The following TMTC2 variants were observed in gnomAD, a reference collection of about 807,000 sequenced individuals.
TMTC2 encodes protein O-mannosyl-transferase TMTC2.
In TMTC2, 43 loss-of-function variants were observed where a neutral mutation model predicts 82.4. The observed-to-expected ratio is 0.52, with a 90% CI of 0.41 to 0.67. TMTC2 has a LOEUF of 0.67. TMTC2 is among the 30% of genes least tolerant of loss of function. TMTC2 has a pLI of 0.00. For missense variants in TMTC2, 919 were observed against 1,012.4 expected (o/e 0.91, Z 1.25); for synonymous variants, 408 against 381.9 (o/e 1.07, Z -0.80).
chr12:82,956,255 T>C (rs964604565), intron 4 of TMTC2, among the ~76,000 whole-genome samples: 3 of 152,070 alleles, frequency 2.0e-5, no homozygotes, highest in African/African-American at 7.2e-5. Context: ...GTAAGTGGTC[T>C]AAATGCTTCA....
intron 8 of TMTC2, among the ~76,000 whole-genome samples, chr12:82,997,124 TC>T (rs1442440410): frequency 7.5e-5 from 11 of 146,166 alleles, no homozygotes; most frequent in African/African-American, 2.6e-4. Flanking sequence ...AGAGGACTCT[TC>T]CATCCTGACT....
intron 1 of TMTC2, among the ~76,000 whole-genome samples, chr12:82,751,525 C>CT (rs1177180677): frequency 9.2e-5 from 14 of 151,776 alleles, no homozygotes; most frequent in Non-Finnish European, 1.9e-4. Flanking sequence ...TATACTAAAA[C>CT]TTAAAGTATA....
At chr12:82,940,912 T>C (rs555365348) in intron 4 of TMTC2, among the ~76,000 whole-genome samples, 8 of 152,122 alleles carry the variant, frequency 5.3e-5, no homozygotes, top group African/African-American at 1.9e-4. Context: ...ATGTGCCTCT[T>C]TATATAAAGG....
intron 1 of TMTC2, among the ~76,000 whole-genome samples, chr12:82,853,977 C>T (rs1871121291): frequency 6.6e-6 from 1 of 151,546 alleles, no homozygotes; most frequent in Admixed American, 6.6e-5. Flanking sequence ...TAATTATAAC[C>T]CATCAAGTCT....
chr12:82,847,060 T>C (rs1592570530), intron 1 of TMTC2, among the ~76,000 whole-genome samples: 1 of 152,154 alleles, frequency 6.6e-6, no homozygotes. Flanking sequence ...AATACAGTGC[T>C]CATCCCCAAA....
intron 8 of TMTC2, among the ~76,000 whole-genome samples, chr12:83,004,990 A>T (rs1880109155): frequency 6.8e-6 from 1 of 146,530 alleles, no homozygotes; most frequent in Non-Finnish European, 1.5e-5. Context: ...TGTCTCTACT[A>T]AAAATACAAA....
chr12:82,812,718 TTCTC>T (rs1868468164), intron 1 of TMTC2, among the ~76,000 whole-genome samples: 1 of 152,058 alleles, frequency 6.6e-6, no homozygotes, highest in Non-Finnish European at 1.5e-5. Context: ...CTCGGTTTGT[TTCTC>T]TCCCTCTTCC....
intron 8 of TMTC2, among the ~76,000 whole-genome samples, chr12:83,020,837 C>T (rs1880885301): frequency 6.6e-6 from 1 of 152,108 alleles, no homozygotes; most frequent in African/African-American, 2.4e-5. Flanking sequence ...GGTAACATTA[C>T]AGGAAGTCTG....
intron 1 of TMTC2, among the ~76,000 whole-genome samples, chr12:82,753,227 C>T (rs1876113186): frequency 6.6e-6 from 1 of 151,838 alleles, no homozygotes; most frequent in African/African-American, 2.4e-5. Context: ...CGTAGGTGAG[C>T]TGTGTAAAAT....
rs758819257 is a variant in TMTC2, at chr12:82,841,326, A to G, written c.84-15684A>G. Among the ~76,000 whole-genome samples, 5 of 152,214 alleles carry G rather than the reference A, an allele frequency of 3.3e-5. No homozygotes were observed. In the East Asian group the frequency reaches 5.8e-4, roughly 18 times the overall value. On this transcript the variant is annotated intron_variant, in intron 1 of 11. Transcript: ENST00000321196. ...TATAAAGATTAGAAAGTACTACAGT[A>G]TATATTAGGATGTCAGTAAATTTTA...
intron 11 of TMTC2, among the ~76,000 whole-genome samples, chr12:83,130,690 C>T (rs1408164143): frequency 6.6e-6 from 1 of 152,112 alleles, no homozygotes; most frequent in East Asian, 1.9e-4. Flanking sequence ...ATGTGCTAGA[C>T]TTCAAGCAAA....
chr12:82,817,307 G>GT (rs765027212), intron 1 of TMTC2, among the ~76,000 whole-genome samples: 16 of 151,828 alleles, frequency 1.1e-4, no homozygotes, highest in Non-Finnish European at 2.2e-4. Flanking sequence ...ATTGGTTTTT[G>GT]TTTTTGTTTT....
intron 4 of TMTC2, among the ~76,000 whole-genome samples, chr12:82,960,027 T>C (rs1592658139): frequency 1.3e-5 from 2 of 151,888 alleles, no homozygotes; most frequent in African/African-American, 4.8e-5. Flanking sequence ...GAGCAGACAC[T>C]TCAAAAGAAG....
chr12:82,819,645 G>T (rs1017244335), intron 1 of TMTC2, among the ~76,000 whole-genome samples: 5 of 151,758 alleles, frequency 3.3e-5, no homozygotes, highest in Admixed American at 1.3e-4. Context: ...GGGATTACAG[G>T]TGCCTGCCAC....
intron 11 of TMTC2, among the ~76,000 whole-genome samples, chr12:83,080,385 C>CTCTG (rs1555211265): frequency 6.6e-6 from 1 of 150,380 alleles, no homozygotes; most frequent in Non-Finnish European, 1.5e-5. Flanking sequence ...CTCTCTCTCT[C>CTCTG]TGTGTGTGTG....
chr12:83,013,488 A>C (rs1880548555), intron 8 of TMTC2, among the ~76,000 whole-genome samples: 1 of 152,170 alleles, frequency 6.6e-6, no homozygotes, highest in Non-Finnish European at 1.5e-5. Flanking sequence ...ATCTTTCAGT[A>C]CAGAAGCTAT....
intron 1 of TMTC2, among the ~76,000 whole-genome samples, chr12:82,828,532 A>G (rs886756985): frequency 1.3e-5 from 2 of 152,128 alleles, no homozygotes; most frequent in Non-Finnish European, 2.9e-5. Flanking sequence ...TTAGTTCTGT[A>G]TGGCCTTCAT....
At chr12:83,079,683 A>C (rs752528870) in intron 11 of TMTC2, among the ~76,000 whole-genome samples, 1 of 152,108 alleles carries the variant, frequency 6.6e-6, no homozygotes, top group Non-Finnish European at 1.5e-5. Context: ...ATAATACCAG[A>C]AGTTATAGAA....
chr12:83,016,065 A>G (rs1488886673), intron 8 of TMTC2, among the ~76,000 whole-genome samples: 2 of 152,232 alleles, frequency 1.3e-5, no homozygotes, highest in South Asian at 2.1e-4. Context: ...TTGTTCGCAG[A>G]AGGTGACTCA....
Sources: gnomAD v4.1 joint callset for allele counts (sites outside exome capture counted in the v4.1 genomes callset) on GRCh38, gnomAD v4.1.1 for gene constraint, MANE v1.5 for transcripts, NCBI Gene and HGNC (gene_info 2026-07-23, HGNC 2026-07-21) for gene names.